Variants in GNAO1 observed in about 807,000 individuals in gnomAD.
GNAO1 encodes the protein guanine nucleotide-binding protein G(o) subunit alpha.
For missense variants in GNAO1, 166 were observed against 478.7 expected (o/e 0.35, Z 6.10); for synonymous variants, 164 against 180.7 (o/e 0.91, Z 0.74).
At chr16:56,198,998 C>G (rs2036258468) in intron 2 of GNAO1, among the ~76,000 whole-genome samples, 1 of 152,174 alleles carries the variant, frequency 6.6e-6, no homozygotes, top group African/African-American at 2.4e-5. Flanking sequence ...AACCAGGAGT[C>G]CAGGTCAGTA....
intron 6 of GNAO1, among the ~76,000 whole-genome samples, chr16:56,342,220 G>C (rs1414244915): frequency 1.1e-4 from 17 of 152,202 alleles, no homozygotes; most frequent in Admixed American, 1.1e-3. Flanking sequence ...TGTGGGCCTG[G>C]AGTGGGGAAG....
chr16:56,278,959 G>A (rs2037089523), intron 3 of GNAO1, among the ~76,000 whole-genome samples: 1 of 152,104 alleles, frequency 6.6e-6, no homozygotes, highest in Admixed American at 6.5e-5. Context: ...TCCACCTAGG[G>A]GATCTGCCAT....
intron 4 of GNAO1, among the ~76,000 whole-genome samples, chr16:56,333,059 G>A (rs1353900969): frequency 6.6e-6 from 1 of 152,228 alleles, no homozygotes; most frequent in Non-Finnish European, 1.5e-5. Flanking sequence ...TGTCCACGGA[G>A]GGCAGTCAGG....
intron 3 of GNAO1, among the ~76,000 whole-genome samples, chr16:56,304,423 G>A (rs1237735212): frequency 6.6e-6 from 1 of 152,180 alleles, no homozygotes; most frequent in African/African-American, 2.4e-5. Flanking sequence ...TTTCTTTATT[G>A]TTCAAAATAC....
At chr16:56,336,145 GA>G (rs1317629258) in intron 5 of GNAO1, among the ~76,000 whole-genome samples, 4 of 152,348 alleles carry the variant, frequency 2.6e-5, no homozygotes, top group Non-Finnish European at 5.9e-5. Flanking sequence ...TAGAGTCTGA[GA>G]GGGGGAAGAG....
intron 2 of GNAO1, among the ~76,000 whole-genome samples, chr16:56,244,327 A>G (rs1470993634): frequency 1.6e-4 from 24 of 151,874 alleles, no homozygotes; most frequent in Admixed American, 1.5e-3. Flanking sequence ...CCTGGGGTTC[A>G]TGAAAGTAGT....
In GNAO1 at chr16:56,273,631, T is replaced by A. The variant is rs558619939; in HGVS notation, c.162-2300T>A. On this transcript the variant is annotated intron_variant, in intron 2 of 8. Coordinates refer to ENST00000262493, the MANE Select transcript of GNAO1 (RefSeq NM_020988.3). ...GAATGTCTAGATTTTGTTGTTCTCA[T>A]GTAAAGACTGTTGGACTTTATTCTC... is the stretch of plus-strand genomic sequence containing the variant. Among the ~76,000 whole-genome samples, 62 of 152,360 alleles carry A rather than the reference T, an allele frequency of 4.1e-4. 1 individual carries two copies. The South Asian group carries it at 0.011, about 27-fold the overall frequency.
At chr16:56,204,528 C>T (rs1312969087) in intron 2 of GNAO1, among the ~76,000 whole-genome samples, 2 of 152,056 alleles carry the variant, frequency 1.3e-5, no homozygotes, top group African/African-American at 2.4e-5. Flanking sequence ...CAAAAGGAGC[C>T]AGAGAGCAGA....
chr16:56,340,517 G>A (rs539818926), intron 6 of GNAO1: 14 of 353,736 alleles, frequency 4.0e-5, no homozygotes, highest in South Asian at 3.0e-4. Flanking sequence ...CATGGTGCAT[G>A]TCCTCTCCGT....
At chr16:56,214,430 AGT>A (rs2143342157) in intron 2 of GNAO1, among the ~76,000 whole-genome samples, 1 of 152,314 alleles carries the variant, frequency 6.6e-6, no homozygotes, top group South Asian at 2.1e-4. Context: ...GGTTTCCCCA[AGT>A]GTAGCCTGAA....
chr16:56,204,205 A>T (rs1349495157), intron 2 of GNAO1, among the ~76,000 whole-genome samples: 3 of 152,220 alleles, frequency 2.0e-5, no homozygotes, highest in African/African-American at 7.2e-5. Context: ...GTTAGGAAAC[A>T]CAGGAGCAGG....
chr16:56,287,673 A>G (rs2037186818), intron 3 of GNAO1, among the ~76,000 whole-genome samples: 1 of 152,146 alleles, frequency 6.6e-6, no homozygotes, highest in African/African-American at 2.4e-5. Flanking sequence ...CCTCTTAGCT[A>G]TTACAGGTCA....
intron 2 of GNAO1, among the ~76,000 whole-genome samples, chr16:56,244,429 C>T (rs566041919): frequency 1.5e-4 from 23 of 151,744 alleles, no homozygotes; most frequent in African/African-American, 5.3e-4. Flanking sequence ...AGCATCTTTG[C>T]TCTTGGCTGA....
chr16:56,258,624 T>C (rs959685986), intron 2 of GNAO1, among the ~76,000 whole-genome samples: 5 of 152,368 alleles, frequency 3.3e-5, no homozygotes, highest in Middle Eastern at 3.4e-3. Context: ...GGAAGAGCCC[T>C]GTTCCCCAGC....
chr16:56,345,391 C>G (rs2037856335), intron 6 of GNAO1: 2 of 985,606 alleles, frequency 2.0e-6, no homozygotes, highest in Non-Finnish European at 2.4e-6. Flanking sequence ...TGCTTAGTCC[C>G]CAGCCAGGCA....
chr16:56,308,516 T>C (rs1201640617), intron 3 of GNAO1, among the ~76,000 whole-genome samples: 1 of 151,812 alleles, frequency 6.6e-6, no homozygotes, highest in Non-Finnish European at 1.5e-5. Context: ...TTGAGTTGAG[T>C]CTGAAAGGCC....
chr16:56,330,870 C>T (rs1344714220), intron 4 of GNAO1, among the ~76,000 whole-genome samples: 9 of 152,240 alleles, frequency 5.9e-5, no homozygotes, highest in African/African-American at 1.9e-4. Flanking sequence ...TTCCACTTCC[C>T]AGGTTGATGA....
intron 2 of GNAO1, among the ~76,000 whole-genome samples, chr16:56,244,568 A>G (rs2036724498): frequency 6.6e-6 from 1 of 151,968 alleles, no homozygotes; most frequent in East Asian, 1.9e-4. Flanking sequence ...TTCTGGGACC[A>G]CTTGCTGGGG....
Position 56,354,814 on chromosome 16 carries a change from C to T in GNAO1, c.878-52C>T. ...TTGTCTTCATGTCCCCAGCCCTGTCCACCCACAGCGCTCATCAGGGCCTCT... is the reference window on the plus strand; with the variant it reads ...TTGTCTTCATGTCCCCAGCCCTGTCTACCCACAGCGCTCATCAGGGCCTCT... On this transcript the variant is annotated intron_variant, in intron 7 of 8. Transcript: ENST00000262493. The surrounding 1 kb of genome is among the most constrained non-coding windows in gnomAD (Gnocchi z 4.3). The T allele has an allele frequency of 8.8e-7, 1 of 1,142,138 alleles. No homozygotes were observed. Among genetic ancestry groups the T allele is most frequent in the African/African-American group, 1.5e-5 (1 of 65,854 alleles). 70.8% of individuals were successfully genotyped at this position (1,142,138 alleles called of 1,614,324 possible).
Sources: gnomAD v4.1 joint callset for allele counts (sites outside exome capture counted in the v4.1 genomes callset) on GRCh38, gnomAD v4.1.1 for gene constraint, Gnocchi (gnomAD v3.1) non-coding constraint, MANE v1.5 for transcripts, NCBI Gene and HGNC (gene_info 2026-07-23, HGNC 2026-07-21) for gene names.